The following ABCC12 variants were observed in gnomAD, a reference collection of about 807,000 sequenced individuals.
ABCC12 encodes the protein ATP-binding cassette sub-family C member 12.
ABCC12 carries 142 observed loss-of-function variants against 151.1 expected under a neutral mutation model. The observed-to-expected ratio is 0.94, with a 90% CI of 0.82 to 1.08. ABCC12 has a LOEUF of 1.08. Among genes scored for constraint, ABCC12 ranks in the 50% least tolerant of loss-of-function variants. The pLI, the probability that ABCC12 is intolerant of heterozygous loss-of-function variation, is 0.00. For synonymous variants in ABCC12, 645 were observed against 646.4 expected (o/e 1.00, Z 0.03); for missense variants, 1,638 against 1,691.1 (o/e 0.97, Z 0.55).
intron 4 of ABCC12, 133 bp from the exon 5 acceptor site, chr16:48,141,486 G>T: frequency 8.4e-7 from 1 of 1,185,672 alleles, no homozygotes; most frequent in Non-Finnish European, 1.2e-6. Flanking sequence ...TCCAGCACTG[G>T]CTCAGCTTTC....
At chr16:48,124,441 G>A (rs1421731381) in intron 11 of ABCC12, among the ~76,000 whole-genome samples, 157 bp from the exon 12 acceptor site, 1 of 152,172 alleles carries the variant, frequency 6.6e-6, no homozygotes, top group African/African-American at 2.4e-5. Context: ...ACACCACCCT[G>A]GCCCACATAA....
intron 24 of ABCC12, among the ~76,000 whole-genome samples, chr16:48,095,041 G>A (rs1963044432): frequency 2.6e-5 from 4 of 152,214 alleles, no homozygotes; most frequent in Admixed American, 2.6e-4. Context: ...AAGAAGGGAG[G>A]AGAGTTTAGG....
intron 8 of ABCC12, among the ~76,000 whole-genome samples, chr16:48,137,251 C>G (rs946774244): frequency 6.6e-6 from 1 of 152,150 alleles, no homozygotes; most frequent in African/African-American, 2.4e-5. Context: ...TATTTTTGAG[C>G]TAAGTTATCT....
intron 2 of ABCC12, 146 bp from the exon 3 acceptor site, chr16:48,146,620 G>A: frequency 1.8e-6 from 1 of 569,474 alleles, no homozygotes; most frequent in East Asian, 2.9e-5. Context: ...GTAGGGGAGT[G>A]TGGCCAGAAG....
chr16:48,135,616 G>T (rs1234730046), intron 8 of ABCC12, among the ~76,000 whole-genome samples: 1 of 151,970 alleles, frequency 6.6e-6, no homozygotes, highest in Non-Finnish European at 1.5e-5. Context: ...GAATATTTAG[G>T]CTCAAGCAAT....
At chr16:48,140,975 T>G (rs910673062) in intron 5 of ABCC12, 55 bp from the exon 6 acceptor site, 22 of 1,530,656 alleles carry the variant, frequency 1.4e-5, no homozygotes, top group Non-Finnish European at 1.9e-5. Flanking sequence ...GAGGCTGGCA[T>G]AGGAGGCCTC....
At chr16:48,125,908 G>A (rs1964223158) in intron 11 of ABCC12, among the ~76,000 whole-genome samples, 1 of 152,188 alleles carries the variant, frequency 6.6e-6, no homozygotes. Flanking sequence ...CCACATGGAT[G>A]TAAATTTGGT....
At chr16:48,120,415 A>G (rs760889876) in intron 13 of ABCC12, among the ~76,000 whole-genome samples, 4 of 152,210 alleles carry the variant, frequency 2.6e-5, no homozygotes, top group Non-Finnish European at 5.9e-5. Context: ...AAACCTCAGC[A>G]TCACACTATA....
rs982712424 is a variant in ABCC12, at chr16:48,083,184, A to T, written c.*531T>A. 4.6e-5 allele frequency: 7 copies of T among 152,362 alleles called. No individual in the cohort carries two copies. Among genetic ancestry groups the T allele is most frequent in the African/African-American group, 9.6e-5 (4 of 41,462 alleles). The allele number at this position is 152,362 out of a possible 1,614,324, so 9.4% of individuals were successfully genotyped here. A position where few individuals can be genotyped will look rare whatever the true frequency, so the allele number is the denominator to read the frequency against. ...AACATATAATATGATTTTTAAAAAA[A>T]TTTTTGGCCAAACACTGTATTCAGT... On this transcript the variant is annotated 3_prime_UTR_variant, in exon 31 of 31. Coordinates refer to ENST00000311303, the MANE Select transcript of ABCC12 (RefSeq NM_001393797.1).
chr16:48,153,910 T>A (rs1965149699), intron 1 of ABCC12, 26 bp from the exon 2 acceptor site: 1 of 152,216 alleles, frequency 6.6e-6, no homozygotes, highest in Non-Finnish European at 1.5e-5. Flanking sequence ...AGACTTTTTT[T>A]AAAATCAGGA....
At chr16:48,117,636 G>A (rs1963931974) in intron 13 of ABCC12, among the ~76,000 whole-genome samples, 1 of 152,200 alleles carries the variant, frequency 6.6e-6, no homozygotes, top group African/African-American at 2.4e-5. Context: ...AAACACTGAG[G>A]GCGCCACCTG....
intron 4 of ABCC12, among the ~76,000 whole-genome samples, chr16:48,142,417 A>G (rs568146273): frequency 2.0e-5 from 3 of 152,338 alleles, no homozygotes; most frequent in Non-Finnish European, 4.4e-5. Flanking sequence ...GGCAAAGGCA[A>G]GGATCTAAGT....
Position 48,096,872 on chromosome 16 carries a change from CCT to C in ABCC12, c.3067_3068del (p.Arg1023ValfsTer77), listed in dbSNP as rs1169103037. On this transcript the variant is annotated frameshift_variant, in exon 24 of 31. Coordinates refer to ENST00000311303, the MANE Select transcript of ABCC12 (RefSeq NM_001393797.1). LOFTEE classifies it high-confidence loss of function. The stretch of plus-strand genomic sequence containing the variant: ...GGACATCCATTCTCAGCGCAAACCA[CCT>C]GAGAGCACAGTTAAAGTAGAGGAGG... ...YHLLYFNCAL[R>X]WFALRMDVLM... 5 of 1,613,968 alleles carry C rather than the reference CCT, an allele frequency of 3.1e-6. No homozygotes were observed. The highest frequency in any genetic ancestry group is 2.2e-5 in the East Asian group (1 of 44,884).
chr16:48,112,800 T>A (rs1452452374), intron 15 of ABCC12, among the ~76,000 whole-genome samples: 2 of 152,018 alleles, frequency 1.3e-5, no homozygotes, highest in Non-Finnish European at 2.9e-5. Context: ...AGAGGCCACA[T>A]TCCCTGGCCT....
Position 48,129,093 on chromosome 16 carries a change from C to T in ABCC12, c.1237-356G>A, listed in dbSNP as rs112353927. ...GCTTATGAAATCAAGGTCATATGCT[C>T]AGTCTCTGCTGTGTCCTCTTCCGAG... On this transcript the variant is annotated intron_variant, in intron 10 of 30. Transcript: ENST00000311303. Among the ~76,000 whole-genome samples the T allele has an allele frequency of 2.2e-4, 33 of 152,358 alleles. No homozygotes were observed. In the Middle Eastern group the frequency reaches 0.01, roughly 47 times the overall value.
intron 14 of ABCC12, among the ~76,000 whole-genome samples, chr16:48,115,956 T>C (rs1963870998): frequency 6.6e-6 from 1 of 152,158 alleles, no homozygotes; most frequent in South Asian, 2.1e-4. Flanking sequence ...CCAAAGGGAA[T>C]TGTGTGAGCA....
intron 3 of ABCC12, among the ~76,000 whole-genome samples, chr16:48,145,302 G>A (rs1567458836): frequency 6.6e-6 from 1 of 152,138 alleles, no homozygotes; most frequent in African/African-American, 2.4e-5. Flanking sequence ...ACAGGGCCTC[G>A]TTCCATGTAG....
intron 8 of ABCC12, among the ~76,000 whole-genome samples, chr16:48,135,069 A>G (rs956068600): frequency 3.3e-5 from 5 of 150,778 alleles, no homozygotes; most frequent in African/African-American, 1.2e-4. Flanking sequence ...AAAAAAAAAG[A>G]TACCCCACCC....
In ABCC12 at chr16:48,121,831, G is replaced by T; in HGVS notation, c.1597C>A (p.Gln533Lys). The T allele has an allele frequency of 6.2e-7, 1 of 1,614,116 alleles. No homozygotes were observed. The highest frequency in any genetic ancestry group is 8.5e-7 in the Non-Finnish European group (1 of 1,180,014). Reference sequence around the variant, plus strand: ...CCATTGACTGCCACCACCCCTTTCTGCAGCTGCATCTGGAACAACAAGACG... The same window carrying T: ...CCATTGACTGCCACCACCCCTTTCTTCAGCTGCATCTGGAACAACAAGACG... ...LAALLGQMQLQKGVVAVNGTL... is the reference protein window; with the variant it reads ...LAALLGQMQLKKGVVAVNGTL... Residue 533 changes from glutamine to lysine, a missense_variant, in exon 13 of 31, where the codon CAG becomes AAG. Physicochemically the swap from Gln to Lys is moderately conservative, Grantham distance 53. Coordinates refer to ENST00000311303, the MANE Select transcript of ABCC12 (RefSeq NM_001393797.1).
Sources: gnomAD v4.1 joint callset for allele counts (sites outside exome capture counted in the v4.1 genomes callset) on GRCh38, gnomAD v4.1.1 for gene constraint, MANE v1.5 for transcripts, NCBI Gene and HGNC (gene_info 2026-07-23, HGNC 2026-07-21) for gene names.